GINS3: variants seen among roughly 807,000 people sequenced by gnomAD.
GINS3 encodes the protein DNA replication complex GINS protein PSF3.
A neutral mutation model predicts 20.0 loss-of-function variants in GINS3; 18 were observed. That is an observed-to-expected ratio of 0.90 (90% CI 0.62 to 1.33). The LOEUF (loss-of-function observed/expected upper bound fraction) is 1.33, where lower values mean the gene tolerates loss of function less well. Among genes scored for constraint, GINS3 ranks in the 40% most tolerant of loss-of-function variants. The probability of loss-of-function intolerance (pLI) is 0.00; values close to 1 mark genes in which losing one functional copy is unlikely to be tolerated. For missense variants in GINS3, 254 were observed against 273.6 expected (o/e 0.93, Z 0.51); for synonymous variants, 109 against 107.0 (o/e 1.02, Z -0.12).
chr16:58,405,516 A>G lies in GINS3; in HGVS notation c.*787A>G, dbSNP rs568648618. The G allele has an allele frequency of 1.3e-5, 2 of 152,306 alleles. No individual in the cohort carries two copies. Among genetic ancestry groups the G allele is most frequent in the Admixed American group, 6.5e-5 (1 of 15,298 alleles). 9.4% of individuals were successfully genotyped at this position (152,306 alleles called of 1,614,324 possible). A position where few individuals can be genotyped will look rare whatever the true frequency, so the allele number is the denominator to read the frequency against. On this transcript the variant is annotated 3_prime_UTR_variant, in exon 3 of 3. Transcript: ENST00000318129. ...TGTCAGGGAGTCGTTTGGAATTGCA[A>G]TGTAGTTATTAAGGGCTGTTAACCA...
Position 58,402,964 on chromosome 16 carries a change from GTCT to G in GINS3, c.187-130_187-128del. On this transcript the variant is annotated intron_variant, in intron 1 of 2. Transcript: ENST00000318129. The stretch of plus-strand genomic sequence containing the variant: ...CTTCATTGCTTCGAGTCACGACCAG[GTCT>G]TCTGTGCTTGACAGCCACTCCCCCA... The G allele has an allele frequency of 4.5e-6, 3 of 665,382 alleles. No homozygotes were observed. In the South Asian group the frequency reaches 5.7e-5, roughly 13 times the overall value. The allele number at this position is 665,382 out of a possible 1,614,324, so 41.2% of individuals were successfully genotyped here.
intron 1 of GINS3, among the ~76,000 whole-genome samples, chr16:58,399,853 C>T (rs1965931683): frequency 6.6e-6 from 1 of 152,154 alleles, no homozygotes; most frequent in Non-Finnish European, 1.5e-5. Flanking sequence ...TTACTACTTT[C>T]ACCACTTCAC....
Position 58,395,489 on chromosome 16 carries a change from G to T in GINS3, c.186+2702G>T, listed in dbSNP as rs1965841451. On this transcript the variant is annotated intron_variant, in intron 1 of 2. Transcript: ENST00000318129. ...AGAGGACCCTGCGGCCTTCCGCAGT[G>T]TTTGTGTCCCTGGGTACTTGAGATT... Among the ~76,000 whole-genome samples the T allele has an allele frequency of 4.6e-5, 7 of 151,804 alleles. No homozygotes were observed. The South Asian group carries it at 1.5e-3, about 32-fold the overall frequency.
chr16:58,395,155 A>G, intron 1 of GINS3: 1 of 444,428 alleles, frequency 2.3e-6, no homozygotes, highest in Non-Finnish European at 3.9e-6. Context: ...GGCTCACTGC[A>G]GCCTTGACCT....
Position 58,404,622 on chromosome 16 carries a change from G to A in GINS3, c.544G>A (p.Gly182Arg), listed in dbSNP as rs776961029. ...GGGCTTATTTCAAACAGGGCAGAAA[G>A]GACTGAATGACTTTCAGTGTTGGGA... ...ERGLFQTGQK[G>R]LNDFQCWEKG... The change falls in exon 3 of 3, where the codon GGA (glycine) becomes AGA (arginine). Residue 182 changes from glycine (G) to arginine (R), a missense_variant. Gly to Arg is a moderately radical substitution (Grantham distance 125). Coordinates refer to ENST00000318129, the MANE Select transcript of GINS3 (RefSeq NM_022770.4). The A allele has an allele frequency of 6.2e-7, 1 of 1,614,048 alleles. No individual in the cohort carries two copies. The highest frequency in any genetic ancestry group is 1.7e-5 in the Admixed American group (1 of 60,022).
At position 58,405,467 on chromosome 16, in the gene GINS3, A is replaced by G. The variant is rs1289576630; in HGVS notation, c.*738A>G. 1 of 152,184 alleles carries G rather than the reference A, an allele frequency of 6.6e-6. No homozygotes were observed. The highest frequency in any genetic ancestry group is 1.5e-5 in the Non-Finnish European group (1 of 68,032). The allele number at this position is 152,184 out of a possible 1,614,324, so 9.4% of individuals were successfully genotyped here. A position where few individuals can be genotyped will look rare whatever the true frequency, so the allele number is the denominator to read the frequency against. ...GAGCCTAAGAGCACCCGCACACTTA[A>G]TTCTACTCCCTGTCTAGAAAAGCTG... On this transcript the variant is annotated 3_prime_UTR_variant, in exon 3 of 3. Coordinates refer to ENST00000318129, the MANE Select transcript of GINS3 (RefSeq NM_022770.4).
At position 58,392,726 on chromosome 16, in the gene GINS3, G is replaced by T; in HGVS notation, c.125G>T (p.Arg42Leu). 3.1e-6 allele frequency: 5 copies of T among 1,614,084 alleles called. 1 individual carries two copies. The South Asian group carries it at 5.5e-5, about 18-fold the overall frequency. The change falls in exon 1 of 3, where the codon CGC becomes CTC. Residue 42 changes from arginine (R) to leucine (L), a missense_variant. Physicochemically the swap from Arg to Leu is moderately radical, Grantham distance 102 (BLOSUM62 -2). Transcript: ENST00000318129. ...LPVRTETAMP[R>L]LGAFFLERSA... is the part of the protein sequence containing the mutation. ...GTGCGCACGGAGACCGCCATGCCTC[G>T]CCTTGGCGCTTTCTTCCTGGAGCGG...
rs1266936226 is a variant in GINS3 at position 58,392,630 on chromosome 16, C to T, written c.29C>T (p.Ser10Leu). 2 of 1,614,214 alleles carry T rather than the reference C, an allele frequency of 1.2e-6. No homozygotes were observed. The highest frequency in any genetic ancestry group is 2.2e-5 in the East Asian group (1 of 44,874). Residue 10 changes from serine (S) to leucine (L), a missense_variant, in exon 1 of 3, where the codon TCG (serine) becomes TTG (leucine). Transcript: ENST00000318129. MSEAYFRVESGALGPEENFL... is the reference protein window; with the variant it reads MSEAYFRVELGALGPEENFL... ...TCAGAGGCTTATTTCCGAGTGGAGT[C>T]GGGTGCGCTGGGGCCTGAGGAGAAC...
rs1966021365 is a variant in GINS3 at position 58,405,475 on chromosome 16, C to T, written c.*746C>T. ...GAGCACCCGCACACTTAATTCTACTCCCTGTCTAGAAAAGCTGTCAGGGAG... is the reference window on the plus strand; with the variant it reads ...GAGCACCCGCACACTTAATTCTACTTCCTGTCTAGAAAAGCTGTCAGGGAG... On this transcript the variant is annotated 3_prime_UTR_variant, in exon 3 of 3. Coordinates refer to ENST00000318129, the MANE Select transcript of GINS3 (RefSeq NM_022770.4). The T allele has an allele frequency of 6.6e-6, 1 of 152,174 alleles. No individual in the cohort carries two copies. The highest frequency in any genetic ancestry group is 2.1e-4 in the South Asian group (1 of 4,830). The allele number at this position is 152,174 out of a possible 1,614,324, so 9.4% of individuals were successfully genotyped here. A position where few individuals can be genotyped will look rare whatever the true frequency, so the allele number is the denominator to read the frequency against.
At chr16:58,395,943 G>A (rs562933141) in intron 1 of GINS3, among the ~76,000 whole-genome samples, 51 of 150,562 alleles carry the variant, frequency 3.4e-4, no homozygotes, top group African/African-American at 1.1e-3. Flanking sequence ...CGGACGGGGC[G>A]GCTGGCTGGG....
Position 58,403,316 on chromosome 16 carries a change from C to G in GINS3, c.405C>G (p.Ser135=), listed in dbSNP as rs141889522. 8 of 1,613,656 alleles carry G rather than the reference C, an allele frequency of 5.0e-6. No homozygotes were observed. Among genetic ancestry groups the G allele is most frequent in the Non-Finnish European group, 6.8e-6 (8 of 1,179,850 alleles). Residue 135 remains serine (S), a synonymous_variant, in exon 2 of 3, where the codon TCC becomes TCG. Coordinates refer to ENST00000318129, the MANE Select transcript of GINS3 (RefSeq NM_022770.4). The stretch of plus-strand genomic sequence containing the variant: ...ACAGTCCCGAGAATGCAGACATTTC[C>G]CAGTCTCTGCTGCAGGCAAGTAATG... ...HFDSPENADI[S]QSLLQTFIGR...
At position 58,397,776 on chromosome 16, in the gene GINS3, C is replaced by G. The variant is rs553323943; in HGVS notation, c.186+4989C>G. ...GCAGCAGTACAGTCCAGCTTCGGCTCGGCATCAGAGGGAGACCGTGGAAAG... is the reference window on the plus strand; with the variant it reads ...GCAGCAGTACAGTCCAGCTTCGGCTGGGCATCAGAGGGAGACCGTGGAAAG... On this transcript the variant is annotated intron_variant, in intron 1 of 2. Transcript: ENST00000318129. Among the ~76,000 whole-genome samples the G allele has an allele frequency of 8.5e-5, 13 of 152,086 alleles. No individual in the cohort carries two copies. In the East Asian group the frequency reaches 2.3e-3, roughly 27 times the overall value.
chr16:58,392,503 C>T lies in GINS3; in HGVS notation c.-99C>T, dbSNP rs1306383809. 5.6e-5 allele frequency: 76 copies of T among 1,353,386 alleles called. No homozygotes were observed. The highest frequency in any genetic ancestry group is 7.5e-5 in the Non-Finnish European group (73 of 976,840). 83.8% of individuals were successfully genotyped at this position (1,353,386 alleles called of 1,614,324 possible). On this transcript the variant is annotated 5_prime_UTR_variant, in exon 1 of 3. Transcript: ENST00000318129. ...TTTCAATCCACTTTCCTGACCCCAA[C>T]CATCCTGCCCAGTCTCCGCTTCCCC...
chr16:58,404,313 A>C, intron 2 of GINS3, 186 bp from the exon 3 acceptor site: 2 of 599,876 alleles, frequency 3.3e-6, no homozygotes, highest in East Asian at 2.8e-5. Context: ...CACTTCACAG[A>C]TGAGGAAATT....
intron 2 of GINS3, 62 bp downstream of exon 2, chr16:58,403,393 T>C: frequency 7.7e-7 from 1 of 1,302,872 alleles, no homozygotes; most frequent in East Asian, 2.3e-5. Flanking sequence ...CCACAGATAC[T>C]ACTTTTACCC....
chr16:58,398,503 G>GCTACA (rs1965913724), intron 1 of GINS3, among the ~76,000 whole-genome samples: 1 of 152,152 alleles, frequency 6.6e-6, no homozygotes, highest in South Asian at 2.1e-4. Flanking sequence ...CAGCTACTCA[G>GCTACA]GAGGCTGAGG....
intron 2 of GINS3, 163 bp downstream of exon 2, chr16:58,403,494 TACACAC>T (rs3833044): frequency 4.3e-5 from 24 of 558,058 alleles, no homozygotes; most frequent in South Asian, 1.5e-4. Flanking sequence ...TTTACATATA[TACACAC>T]ACACACACAC....
At chr16:58,397,446 C>T (rs1965893086) in intron 1 of GINS3, among the ~76,000 whole-genome samples, 2 of 151,258 alleles carry the variant, frequency 1.3e-5, no homozygotes, top group African/African-American at 4.9e-5. Flanking sequence ...TTTGGGGGGC[C>T]AAGGCAGGCA....
intron 1 of GINS3, among the ~76,000 whole-genome samples, chr16:58,402,038 C>T (rs1965962969): frequency 6.6e-6 from 1 of 152,128 alleles, no homozygotes; most frequent in African/African-American, 2.4e-5. Flanking sequence ...CTTTGTCTTT[C>T]TTTTACACCT....
Sources: allele counts gnomAD v4.1 joint callset (sites outside exome capture counted in the v4.1 genomes callset), GRCh38; gene constraint gnomAD v4.1.1; transcripts MANE v1.5; gene names NCBI Gene and HGNC (gene_info 2026-07-23, HGNC 2026-07-21).